The following PITPNC1 variants were observed in gnomAD, a reference collection of about 807,000 sequenced individuals.
PITPNC1 encodes the protein cytoplasmic phosphatidylinositol transfer protein 1.
PITPNC1 carries 18 observed loss-of-function variants against 44.7 expected under a neutral mutation model. That is an observed-to-expected ratio of 0.40 (90% CI 0.28 to 0.60). The LOEUF (loss-of-function observed/expected upper bound fraction) is 0.60. Among genes scored for constraint, PITPNC1 ranks in the 20% least tolerant of loss-of-function variants. PITPNC1 has a pLI of 0.39. For missense variants in PITPNC1, 290 were observed against 418.4 expected (o/e 0.69, Z 2.68); for synonymous variants, 141 against 149.6 (o/e 0.94, Z 0.42).
At chr17:67,422,772 C>T (rs139203688) in intron 1 of PITPNC1, among the ~76,000 whole-genome samples, 4,070 of 152,208 alleles carry the variant, frequency 0.027, 193 homozygotes, top group African/African-American at 0.092. Context: ...CTCCTGACCT[C>T]ACGTGATCTG....
At chr17:67,577,605 T>TA (rs2041166978) in intron 4 of PITPNC1, among the ~76,000 whole-genome samples, 1 of 151,000 alleles carries the variant, frequency 6.6e-6, no homozygotes, top group Admixed American at 6.6e-5. Context: ...AAATAAAATT[T>TA]AAAATTTAAA....
chr17:67,429,697 CAAAAAA>C (rs34662070), intron 1 of PITPNC1, among the ~76,000 whole-genome samples: 2 of 144,600 alleles, frequency 1.4e-5, no homozygotes, highest in Non-Finnish European at 3.0e-5. Flanking sequence ...AACTCTGTTT[CAAAAAA>C]AAAAAAACTT....
intron 1 of PITPNC1, among the ~76,000 whole-genome samples, chr17:67,383,746 T>G (rs2037999226): frequency 6.6e-6 from 1 of 152,176 alleles, no homozygotes; most frequent in Admixed American, 6.5e-5. Context: ...TCTTTACTGT[T>G]TAACCGTTCT....
chr17:67,448,702 C>T (rs552388505), intron 1 of PITPNC1, among the ~76,000 whole-genome samples: 106 of 152,298 alleles, frequency 7.0e-4, no homozygotes, highest in African/African-American at 2.6e-3. Context: ...TCTTTCTCAC[C>T]TTCCACAGTC....
chr17:67,383,602 GCA>G (rs1245049873), intron 1 of PITPNC1, among the ~76,000 whole-genome samples: 1 of 152,202 alleles, frequency 6.6e-6, no homozygotes, highest in Non-Finnish European at 1.5e-5. Flanking sequence ...GCTCCTTGGA[GCA>G]CAGTCTGAAG....
At chr17:67,634,631 G>T (rs893328946) in intron 6 of PITPNC1, among the ~76,000 whole-genome samples, 3 of 152,170 alleles carry the variant, frequency 2.0e-5, no homozygotes, top group African/African-American at 7.2e-5. Context: ...TTGGCGAACA[G>T]TAGAGAAATA....
Position 67,583,583 on chromosome 17 carries a change from T to G in PITPNC1, c.366+5326T>G, listed in dbSNP as rs973429454. On this transcript the variant is annotated intron_variant, in intron 5 of 8. Transcript: ENST00000581322. ...AGCATGGGCAACAGAGCGAGACTCC[T>G]TCTCAAAAAAAAAAAAAAAAATCAC... is the stretch of plus-strand genomic sequence containing the variant. Among the ~76,000 whole-genome samples, 9 of 116,138 alleles carry G rather than the reference T, an allele frequency of 7.7e-5. No homozygotes were observed. The South Asian group carries it at 1.2e-3, about 15-fold the overall frequency. The allele number at this position is 116,138 out of a possible 152,430, so 76.2% of individuals were successfully genotyped here.
At chr17:67,642,290 A>G (rs934322934) in intron 6 of PITPNC1, among the ~76,000 whole-genome samples, 4 of 152,182 alleles carry the variant, frequency 2.6e-5, no homozygotes, top group Admixed American at 1.3e-4. Context: ...CCAAGAAAAA[A>G]GAAAAAGCAG....
intron 1 of PITPNC1, among the ~76,000 whole-genome samples, chr17:67,530,371 G>T (rs1035838032): frequency 6.6e-6 from 1 of 151,864 alleles, no homozygotes; most frequent in Non-Finnish European, 1.5e-5. Flanking sequence ...GATTGCAGGC[G>T]TGAGCCACTG....
chr17:67,447,550 G>C (rs1271419427), intron 1 of PITPNC1, among the ~76,000 whole-genome samples: 1 of 151,330 alleles, frequency 6.6e-6, no homozygotes, highest in Non-Finnish European at 1.5e-5. Context: ...TTTTTTTGTA[G>C]AGGCAGGGGT....
intron 1 of PITPNC1, among the ~76,000 whole-genome samples, chr17:67,489,933 G>A (rs1048080494): frequency 2.0e-5 from 3 of 151,816 alleles, no homozygotes; most frequent in Non-Finnish European, 2.9e-5. Context: ...TAGTAGAGAC[G>A]GGGTTTCACC....
rs559974838 is a variant in PITPNC1 at position 67,524,100 on chromosome 17, G to C, written c.49-8702G>C. Among the ~76,000 whole-genome samples the C allele has an allele frequency of 6.6e-5, 10 of 152,216 alleles. No homozygotes were observed. The East Asian group carries it at 1.9e-3, about 29-fold the overall frequency. ...GCTGGGATTGCAGGCGTGAGCCACT[G>C]CGCCCAGCCTAAATTTTCTAATAGC... is the stretch of plus-strand genomic sequence containing the variant. On this transcript the variant is annotated intron_variant, in intron 1 of 8. Coordinates refer to ENST00000581322, the MANE Select transcript of PITPNC1 (RefSeq NM_012417.4).
chr17:67,469,678 A>G (rs1047326296), intron 1 of PITPNC1, among the ~76,000 whole-genome samples: 1 of 151,964 alleles, frequency 6.6e-6, no homozygotes, highest in African/African-American at 2.4e-5. Context: ...CAGAGATTCC[A>G]CTTGAGTGTA....
intron 5 of PITPNC1, among the ~76,000 whole-genome samples, chr17:67,602,209 A>G (rs948723036): frequency 1.3e-5 from 2 of 152,204 alleles, no homozygotes; most frequent in Admixed American, 1.3e-4. Flanking sequence ...TCAGCAAAGT[A>G]TGGAAAAATT....
intron 1 of PITPNC1, among the ~76,000 whole-genome samples, chr17:67,385,631 G>A (rs2038034198): frequency 1.3e-5 from 2 of 152,142 alleles, no homozygotes; most frequent in African/African-American, 4.8e-5. Context: ...GTGAAGGTCC[G>A]CGGCTTCATT....
intron 1 of PITPNC1, among the ~76,000 whole-genome samples, chr17:67,445,637 G>A (rs1567992707): frequency 1.3e-5 from 2 of 152,040 alleles, no homozygotes; most frequent in East Asian, 1.9e-4. Context: ...TTCGTTAGTT[G>A]GGGAGAAATG....
chr17:67,683,752 C>T (rs548594175), intron 8 of PITPNC1, among the ~76,000 whole-genome samples: 28 of 151,170 alleles, frequency 1.9e-4, no homozygotes, highest in Admixed American at 9.2e-4. Context: ...GCGAGGTGGG[C>T]GGATCACTTG....
Position 67,555,716 on chromosome 17 carries a change from C to T in PITPNC1, c.294+2099C>T, listed in dbSNP as rs1028556860. On this transcript the variant is annotated intron_variant, in intron 4 of 8. Coordinates refer to ENST00000581322, the MANE Select transcript of PITPNC1 (RefSeq NM_012417.4). ...AAAGGTAGTTGGGTGTGGTGGCGGG[C>T]GCCTATAATCCCAGCTACTTGGGAG... Among the ~76,000 whole-genome samples the T allele has an allele frequency of 6.7e-5, 10 of 148,940 alleles. No individual in the cohort carries two copies. The East Asian group carries it at 7.9e-4, about 12-fold the overall frequency.
At chr17:67,424,550 A>C (rs1429264789) in intron 1 of PITPNC1, among the ~76,000 whole-genome samples, 1 of 151,922 alleles carries the variant, frequency 6.6e-6, no homozygotes, top group African/African-American at 2.4e-5. Context: ...CCAGCTACTC[A>C]GGAGGCTGAG....
Sources: allele counts gnomAD v4.1 joint callset (sites outside exome capture counted in the v4.1 genomes callset), GRCh38; gene constraint gnomAD v4.1.1; transcripts MANE v1.5; gene names NCBI Gene and HGNC (gene_info 2026-07-23, HGNC 2026-07-21).